ZSCAN5A: variants seen among roughly 807,000 people sequenced by gnomAD.
ZSCAN5A encodes zinc finger and SCAN domain containing 5A.
A neutral mutation model predicts 23.7 loss-of-function variants in ZSCAN5A; 12 were observed. That is an observed-to-expected ratio of 0.51 (90% CI 0.32 to 0.82). The LOEUF (loss-of-function observed/expected upper bound fraction) is 0.82, where lower values mean the gene tolerates loss of function less well. ZSCAN5A is among the 40% of genes least tolerant of loss of function. ZSCAN5A has a pLI of 0.03. For missense variants in ZSCAN5A, 597 were observed against 617.9 expected (o/e 0.97, Z 0.36); for synonymous variants, 257 against 239.9 (o/e 1.07, Z -0.66).
At chr19:56,322,529 A>G (rs886282483) in intron 2 of ZSCAN5A, among the ~76,000 whole-genome samples, 5 of 152,146 alleles carry the variant, frequency 3.3e-5, no homozygotes, top group Admixed American at 6.5e-5. Context: ...CTTCCACTAC[A>G]GTGTCTTTAA....
intron 2 of ZSCAN5A, among the ~76,000 whole-genome samples, chr19:56,258,425 GCCTTCCAGTGTGGGTGTTGACAGACACA>G (rs1424595080): frequency 0.011 from 1,415 of 123,340 alleles, 31 homozygotes; most frequent in African/African-American, 0.06. Context: ...TGACGGACAC[GCCTTCCAGTGTGGGTGTTGACAGACACA>G]CCTTCCAGTG....
intron 2 of ZSCAN5A, among the ~76,000 whole-genome samples, chr19:56,358,112 A>T (rs903248096): frequency 1.3e-5 from 2 of 148,832 alleles, no homozygotes; most frequent in Non-Finnish European, 3.0e-5. Flanking sequence ...AGATTCATAA[A>T]ACAAGTTATT....
At chr19:56,304,386 C>T (rs2040546957) in intron 2 of ZSCAN5A, among the ~76,000 whole-genome samples, 1 of 152,202 alleles carries the variant, frequency 6.6e-6, no homozygotes, top group African/African-American at 2.4e-5. Flanking sequence ...GTCTGGACCA[C>T]AGGATTGGTT....
intron 2 of ZSCAN5A, chr19:56,247,129 G>A (rs747603610): frequency 3.5e-5 from 24 of 676,522 alleles, no homozygotes; most frequent in Non-Finnish European, 5.9e-5. Context: ...ATCACACACA[G>A]GAGAGAGACC....
chr19:56,228,494 T>C, intron 2 of ZSCAN5A: 1 of 956,450 alleles, frequency 1.0e-6, no homozygotes, highest in Non-Finnish European at 1.2e-6. Context: ...TGTGCAAATA[T>C]TTCCCGCTCT....
chr19:56,353,189 A>G (rs2041678382), intron 2 of ZSCAN5A, among the ~76,000 whole-genome samples: 1 of 152,220 alleles, frequency 6.6e-6, no homozygotes, highest in Non-Finnish European at 1.5e-5. Flanking sequence ...GGTGTCATGC[A>G]TTGAGGCAGA....
In ZSCAN5A at chr19:56,357,525, T is replaced by C. The variant is rs1298279507; in HGVS notation, c.-358+5710A>G. Among the ~76,000 whole-genome samples the C allele has an allele frequency of 6.8e-5, 10 of 147,942 alleles. 1 individual carries two copies. The highest frequency in any genetic ancestry group is 6.0e-4 in the Admixed American group (9 of 14,964). ...TCCCCAGCAACTATACCACAAAATA[T>C]TGTTAGCTATAGTTCTACTGTACTG... is the stretch of plus-strand genomic sequence containing the variant. On this transcript the variant is annotated intron_variant, in intron 2 of 6. Transcript: ENST00000587340.
At chr19:56,269,505 T>C (rs1279959730) in intron 2 of ZSCAN5A, among the ~76,000 whole-genome samples, 2 of 152,124 alleles carry the variant, frequency 1.3e-5, no homozygotes, top group Non-Finnish European at 2.9e-5. Context: ...AATAAGACTG[T>C]TAATCAGCTG....
At chr19:56,365,121 C>T (rs970103762) in intron 1 of ZSCAN5A, 1 of 152,326 alleles carries the variant, frequency 6.6e-6, no homozygotes, top group East Asian at 1.9e-4. Flanking sequence ...GAATGTATTA[C>T]TTCATTTAAA....
chr19:56,235,130 G>T (rs1158412340), intron 2 of ZSCAN5A, among the ~76,000 whole-genome samples: 111 of 93,010 alleles, frequency 1.2e-3, no homozygotes, highest in Middle Eastern at 6.7e-3. Flanking sequence ...AACCTCTGAT[G>T]GACGGTGGGC....
intron 2 of ZSCAN5A, among the ~76,000 whole-genome samples, chr19:56,279,240 G>A (rs2038494154): frequency 6.6e-6 from 1 of 151,850 alleles, no homozygotes; most frequent in African/African-American, 2.4e-5. Flanking sequence ...ATGATACTTC[G>A]AGAATTTCTG....
At chr19:56,259,102 G>A (rs974882937) in intron 2 of ZSCAN5A, among the ~76,000 whole-genome samples, 2 of 152,184 alleles carry the variant, frequency 1.3e-5, no homozygotes, top group African/African-American at 4.8e-5. Flanking sequence ...GACCCACAGA[G>A]ATACTAAAAG....
At chr19:56,277,155 A>G (rs2038325872) in intron 2 of ZSCAN5A, among the ~76,000 whole-genome samples, 1 of 152,160 alleles carries the variant, frequency 6.6e-6, no homozygotes, top group African/African-American at 2.4e-5. Flanking sequence ...AATGTTAAAC[A>G]CTGAGTTACT....
At chr19:56,299,200 C>T (rs780479756) in intron 2 of ZSCAN5A, among the ~76,000 whole-genome samples, 20 of 151,726 alleles carry the variant, frequency 1.3e-4, no homozygotes, top group African/African-American at 1.7e-4. Flanking sequence ...GGTATGATCA[C>T]GGCTCACCAC....
At chr19:56,244,092 G>A (rs1024763334) in intron 2 of ZSCAN5A, 46 of 1,385,702 alleles carry the variant, frequency 3.3e-5, no homozygotes, top group East Asian at 7.1e-5. Context: ...CCCTGCAACA[G>A]CCCTGAGTCA....
chr19:56,239,986 A>AC (rs1427978017), intron 2 of ZSCAN5A, among the ~76,000 whole-genome samples: 1 of 151,938 alleles, frequency 6.6e-6, no homozygotes, highest in East Asian at 1.9e-4. Flanking sequence ...ACATGGTGAA[A>AC]CCCCGTCTCT....
chr19:56,299,794 A>T (rs1005904672), intron 2 of ZSCAN5A: 1 of 152,176 alleles, frequency 6.6e-6, no homozygotes, highest in African/African-American at 2.4e-5. Flanking sequence ...GGGATTTTAA[A>T]AAGTATTTTT....
chr19:56,237,213 C>T (rs528592588), intron 2 of ZSCAN5A, among the ~76,000 whole-genome samples: 1 of 152,130 alleles, frequency 6.6e-6, no homozygotes, highest in South Asian at 2.1e-4. Context: ...TTACTTTGTG[C>T]GTTTCATTCA....
At chr19:56,346,878 C>T (rs971165544) in intron 2 of ZSCAN5A, among the ~76,000 whole-genome samples, 2 of 152,108 alleles carry the variant, frequency 1.3e-5, no homozygotes, top group African/African-American at 4.8e-5. Context: ...CAGGCACCTG[C>T]TACCATGCCC....
Sources: gnomAD v4.1 joint callset for allele counts (sites outside exome capture counted in the v4.1 genomes callset) on GRCh38, gnomAD v4.1.1 for gene constraint, MANE v1.5 for transcripts, NCBI Gene and HGNC (gene_info 2026-07-23, HGNC 2026-07-21) for gene names.